The following LGI2 variants were observed in gnomAD, a reference collection of about 807,000 sequenced individuals.
LGI2 encodes leucine rich repeat LGI family member 2, also known as leucine-rich repeat LGI family member 2.
LGI2 carries 30 observed loss-of-function variants against 52.0 expected under a neutral mutation model. The observed-to-expected ratio is 0.58, with a 90% CI of 0.43 to 0.78. The LOEUF (loss-of-function observed/expected upper bound fraction) is 0.78, where lower values mean the gene tolerates loss of function less well. Among genes scored for constraint, LGI2 ranks in the 30% least tolerant of loss-of-function variants. The pLI is 0.00. For synonymous variants in LGI2, 270 were observed against 271.8 expected (o/e 0.99, Z 0.06); for missense variants, 573 against 692.5 (o/e 0.83, Z 1.94).
At chr4:25,026,987 A>T in intron 2 of LGI2, 48 bp from the exon 3 acceptor site, 1 of 1,392,836 alleles carries the variant, frequency 7.2e-7, no homozygotes, top group Non-Finnish European at 1.0e-6. Flanking sequence ...AACTTGAGTC[A>T]CATGGTAAAG....
chr4:25,024,558 T>C (rs1390852990), intron 4 of LGI2, among the ~76,000 whole-genome samples: 1 of 152,190 alleles, frequency 6.6e-6, no homozygotes, highest in Non-Finnish European at 1.5e-5. Flanking sequence ...GCAACACAAG[T>C]TCCTCACACC....
At chr4:25,024,942 C>CA (rs1211353577) in intron 3 of LGI2, 51 bp from the exon 4 acceptor site, 34 of 1,189,366 alleles carry the variant, frequency 2.9e-5, no homozygotes, top group Non-Finnish European at 3.6e-5. Flanking sequence ...CTTAGTATCC[C>CA]AAAAAAACTA....
At chr4:24,995,444 A>G (rs536231637), downstream of LGI2, among the ~76,000 whole-genome samples, 2 of 152,334 alleles carry the variant, frequency 1.3e-5, no homozygotes, top group South Asian at 2.1e-4. Flanking sequence ...GACATTGGCC[A>G]GGTCTGTGAT....
rs1725308392 is a variant in LGI2, at chr4:25,003,540, A to AGAC, written c.1546_1548dup (p.Val516dup). The AGAC allele has an allele frequency of 6.2e-7, 1 of 1,613,812 alleles. No homozygotes were observed. Among genetic ancestry groups the AGAC allele is most frequent in the Non-Finnish European group, 8.5e-7 (1 of 1,179,968 alleles). The stretch of plus-strand genomic sequence containing the variant: ...AAAAAGAAATCTCTCCTGTCGGTGG[A>AGAC]GACAGCTGTGAATGAACGAGGCGCC... On this transcript the variant is annotated inframe_insertion, in exon 8 of 8. Coordinates refer to ENST00000382114, the MANE Select transcript of LGI2 (RefSeq NM_018176.4).
At chr4:25,019,077 A>C in intron 5 of LGI2, 90 bp downstream of exon 5, 1 of 806,252 alleles carries the variant, frequency 1.2e-6, no homozygotes, top group Non-Finnish European at 2.2e-6. Context: ...GCATAAAAGA[A>C]ATGCATAAAA....
At chr4:25,018,323 A>T (rs1725837871) in intron 5 of LGI2, among the ~76,000 whole-genome samples, 165 bp from the exon 6 acceptor site, 1 of 152,222 alleles carries the variant, frequency 6.6e-6, no homozygotes, top group Non-Finnish European at 1.5e-5. Context: ...TGTTTCTTGT[A>T]TCTATCATTG....
At chr4:25,011,777 C>T (rs1364821368) in intron 7 of LGI2, among the ~76,000 whole-genome samples, 1 of 152,080 alleles carries the variant, frequency 6.6e-6, no homozygotes. Flanking sequence ...CACTGGGATC[C>T]CATGACGGCA....
chr4:24,992,614 C>T, the LGI2 span, among the ~76,000 whole-genome samples: 10 of 152,036 alleles, frequency 6.6e-5, no homozygotes, highest in South Asian at 4.2e-4. Context: ...ACTCAGGAGG[C>T]GGAGGTTGCA....
At position 25,017,977 on chromosome 4, in the gene LGI2, G is replaced by A; in HGVS notation, c.655+12C>T. 6.3e-7 allele frequency: 1 copy of A among 1,594,844 alleles called. No individual in the cohort carries two copies. Among genetic ancestry groups the A allele is most frequent in the Non-Finnish European group, 8.5e-7 (1 of 1,172,750 alleles). ...CTAAATATCCGTGTCTGATGAGATAGGCTCTGAATACCTGTAGTTGTGCAT... is the reference window on the plus strand; with the variant it reads ...CTAAATATCCGTGTCTGATGAGATAAGCTCTGAATACCTGTAGTTGTGCAT... On this transcript the variant is annotated intron_variant, in intron 6 of 7. Coordinates refer to ENST00000382114, the MANE Select transcript of LGI2 (RefSeq NM_018176.4).
At position 25,003,831 on chromosome 4, in the gene LGI2, C is replaced by T. The variant is rs1017467636; in HGVS notation, c.1258G>A (p.Val420Ile). The T allele has an allele frequency of 1.4e-5, 22 of 1,614,070 alleles. No individual in the cohort carries two copies. Among genetic ancestry groups the T allele is most frequent in the African/African-American group, 2.7e-5 (2 of 74,926 alleles). Residue 420 changes from valine to isoleucine, a missense_variant, in exon 8 of 8, where the codon GTA becomes ATA. Val to Ile is a conservative substitution (Grantham distance 29). Transcript: ENST00000382114. ...ATTCGGAAGCTCTTCACAGCCAGTA[C>T]GTCCTCCATGTTGGGGATGTCACCA... is the stretch of plus-strand genomic sequence containing the variant. ...PHGDIPNMED[V>I]LAVKSFRMQN... is the part of the protein sequence containing the mutation.
In LGI2 at chr4:25,030,825, C is replaced by G. The variant is rs1726322766; in HGVS notation, c.-132G>C. On this transcript the variant is annotated 5_prime_UTR_variant, in exon 1 of 8. Coordinates refer to ENST00000382114, the MANE Select transcript of LGI2 (RefSeq NM_018176.4). Reference sequence around the variant, plus strand: ...GCTGCTGGCGAGGACTAGGGAGCCGCGGGTGTGGGAGGCCGAGCCGCAGCC... The same window carrying G: ...GCTGCTGGCGAGGACTAGGGAGCCGGGGGTGTGGGAGGCCGAGCCGCAGCC... The G allele has an allele frequency of 2.7e-6, 1 of 369,620 alleles. No homozygotes were observed. Among genetic ancestry groups the G allele is most frequent in the Admixed American group, 6.3e-5 (1 of 15,948 alleles). The allele number at this position is 369,620 out of a possible 1,614,324, so 22.9% of individuals were successfully genotyped here. A position where few individuals can be genotyped will look rare whatever the true frequency, so the allele number is the denominator to read the frequency against.
chr4:25,009,379 T>C (rs11733058), intron 7 of LGI2, among the ~76,000 whole-genome samples: 43,339 of 151,968 alleles, frequency 0.29, 6,578 homozygotes, highest in Middle Eastern at 0.43. Context: ...ATCCCTCCAA[T>C]CCCACAGGTC....
At chr4:25,012,578 T>C in intron 6 of LGI2, 79 bp from the exon 7 acceptor site, 1 of 1,448,704 alleles carries the variant, frequency 6.9e-7, no homozygotes, top group Non-Finnish European at 9.5e-7. Context: ...CGTTCCATCA[T>C]CACATCAGCT....
At chr4:25,006,989 C>T (rs1725409419) in intron 7 of LGI2, among the ~76,000 whole-genome samples, 1 of 151,422 alleles carries the variant, frequency 6.6e-6, no homozygotes, top group Non-Finnish European at 1.5e-5. Context: ...AATCTGTGCA[C>T]ATATTCAAGT....
rs909799511 is a variant in LGI2, at chr4:25,024,728, A to G, written c.413+92T>C. The G allele has an allele frequency of 3.7e-6, 3 of 807,640 alleles. No homozygotes were observed. The African/African-American group carries it at 5.2e-5, about 14-fold the overall frequency. The allele number at this position is 807,640 out of a possible 1,614,324, so 50.0% of individuals were successfully genotyped here. ...AGTAATCTAGAAATTCATTTCCTTC[A>G]GGGACAGTTACAGCCAAGAAACAGA... On this transcript the variant is annotated intron_variant, in intron 4 of 7. Coordinates refer to ENST00000382114, the MANE Select transcript of LGI2 (RefSeq NM_018176.4).
chr4:25,019,493 T>C (rs992644286), intron 4 of LGI2, among the ~76,000 whole-genome samples: 4 of 152,202 alleles, frequency 2.6e-5, no homozygotes, highest in Admixed American at 6.5e-5. Flanking sequence ...CTTCCCATGT[T>C]TCCTGGAATC....
downstream of LGI2, among the ~76,000 whole-genome samples, chr4:24,996,333 A>G (rs572936612): frequency 1.9e-3 from 282 of 152,354 alleles, 2 homozygotes; most frequent in African/African-American, 6.3e-3. Flanking sequence ...CACTGTTCAC[A>G]TAGTAGGTAG....
At chr4:24,994,974 C>T (rs896380976), downstream of LGI2, among the ~76,000 whole-genome samples, 5 of 152,204 alleles carry the variant, frequency 3.3e-5, no homozygotes, top group African/African-American at 1.2e-4. Flanking sequence ...TGACTACATT[C>T]CTCTTCAACA....
At chr4:25,013,439 G>T (rs974908977) in intron 6 of LGI2, among the ~76,000 whole-genome samples, 1 of 152,146 alleles carries the variant, frequency 6.6e-6, no homozygotes, top group Non-Finnish European at 1.5e-5. Flanking sequence ...TCTAGTGGAC[G>T]GGGTACCTTC....
Sources: gnomAD v4.1 joint callset for allele counts (sites outside exome capture counted in the v4.1 genomes callset) on GRCh38, gnomAD v4.1.1 for gene constraint, MANE v1.5 for transcripts, NCBI Gene and HGNC (gene_info 2026-07-23, HGNC 2026-07-21) for gene names.